The following FAM181A variants were observed in gnomAD, a reference collection of about 807,000 sequenced individuals.
FAM181A encodes the protein family with sequence similarity 181 member A.
Under a neutral mutation model 16.3 loss-of-function variants are expected in FAM181A, and 7 were observed. The ratio of observed to expected loss-of-function variants is 0.43; its 90% CI spans 0.24 to 0.81. FAM181A has a LOEUF of 0.81. Ranked by LOEUF, FAM181A falls within the 30% of genes least tolerant of loss-of-function variation. FAM181A has a pLI of 0.24. For missense variants in FAM181A, 349 were observed against 377.5 expected (o/e 0.92, Z 0.63); for synonymous variants, 183 against 164.9 (o/e 1.11, Z -0.84).
At chr14:93,925,431 G>A (rs1887867702), upstream of FAM181A, 3 of 1,503,346 alleles carry the variant, frequency 2.0e-6, no homozygotes, top group East Asian at 6.9e-5. Flanking sequence ...GTGCACACCA[G>A]CCTCACACAG....
Position 93,927,441 on chromosome 14 carries a change from G to A in FAM181A, c.-101G>A. On this transcript the variant is annotated 5_prime_UTR_variant, in exon 1 of 2. Transcript: ENST00000556222. ...CTGCCGGGCCACGTTGGTGGGGCCTGGGCCGCACCTTCGGTCAGTGTGGAG... is the reference window on the plus strand; with the variant it reads ...CTGCCGGGCCACGTTGGTGGGGCCTAGGCCGCACCTTCGGTCAGTGTGGAG... 1.3e-5 allele frequency: 16 copies of A among 1,222,564 alleles called. No homozygotes were observed. Among genetic ancestry groups the A allele is most frequent in the Admixed American group, 2.5e-5 (1 of 39,360 alleles). 75.7% of individuals were successfully genotyped at this position (1,222,564 alleles called of 1,614,324 possible). A position where few individuals can be genotyped will look rare whatever the true frequency, so the allele number is the denominator to read the frequency against.
intron 1 of FAM181A, 37 bp downstream of exon 1, chr14:93,927,491 G>T: frequency 7.9e-7 from 1 of 1,266,486 alleles, no homozygotes; most frequent in Non-Finnish European, 1.0e-6. Flanking sequence ...GCCCGACTGG[G>T]TGGCGGGTGT....
At chr14:93,925,370 G>A (rs531659608), upstream of FAM181A, 1 of 1,612,020 alleles carries the variant, frequency 6.2e-7, no homozygotes, top group Admixed American at 1.7e-5. Flanking sequence ...CAGCAAAGCA[G>A]GTGGTTACGT....
chr14:93,925,645 C>T (rs543961422), upstream of FAM181A, among the ~76,000 whole-genome samples: 9 of 151,806 alleles, frequency 5.9e-5, no homozygotes, highest in South Asian at 2.1e-4. Flanking sequence ...CAAAGGTTGC[C>T]GCAGGCAGGA....
chr14:93,919,636 T>A lies in FAM181A; in HGVS notation c.-225+642T>A, dbSNP rs1301822542. Among the ~76,000 whole-genome samples, 5 of 152,348 alleles carry A rather than the reference T, an allele frequency of 3.3e-5. No homozygotes were observed. The East Asian group carries it at 9.6e-4, about 29-fold the overall frequency. On this transcript the variant is annotated intron_variant, in intron 1 of 2. Coordinates refer to the FAM181A transcript ENST00000267594. ...TACATAGTAGGTGTCCACTAAATGC[T>A]TTAGAACCACTTGGTGAGCATTATT...
In FAM181A at chr14:93,928,290, C is replaced by T. The variant is rs1595289684; in HGVS notation, c.5C>T (p.Ala2Val). 6.2e-7 allele frequency: 1 copy of T among 1,613,794 alleles called. No homozygotes were observed. Among genetic ancestry groups the T allele is most frequent in the Non-Finnish European group, 8.5e-7 (1 of 1,180,024 alleles). The change falls in exon 2 of 2, where the codon GCA becomes GTA. Residue 2 changes from alanine to valine, a missense_variant. Physicochemically the swap from Ala to Val is moderately conservative, Grantham distance 64. Transcript: ENST00000556222. M[A>V]SDSDVKMLLN... ...TCGTGCAGTGGCCCCCTGGTGATGG[C>T]ATCCGACAGTGATGTGAAGATGCTG...
At chr14:93,924,440 G>A (rs1024221789), upstream of FAM181A, among the ~76,000 whole-genome samples, 2 of 152,230 alleles carry the variant, frequency 1.3e-5, no homozygotes, top group African/African-American at 4.8e-5. Context: ...AATAATGAGA[G>A]AACACTGGGA....
intron 1 of FAM181A, among the ~76,000 whole-genome samples, chr14:93,920,610 A>G (rs1887690333): frequency 6.6e-6 from 1 of 152,248 alleles, no homozygotes; most frequent in Non-Finnish European, 1.5e-5. Context: ...TGATGCAAAA[A>G]ATTCATCTGA....
upstream of FAM181A, chr14:93,927,058 A>C (rs573522961): frequency 1.5e-4 from 26 of 168,364 alleles, no homozygotes; most frequent in South Asian, 4.2e-3. Flanking sequence ...ACACACACAC[A>C]CACCCCACCC....
chr14:93,928,478 G>A lies in FAM181A; in HGVS notation c.193G>A (p.Glu65Lys). 1 of 1,610,636 alleles carries A rather than the reference G, an allele frequency of 6.2e-7. No homozygotes were observed. The highest frequency in any genetic ancestry group is 8.5e-7 in the Non-Finnish European group (1 of 1,177,518). ...LPRGLPGRAA[E>K]PYLKRGSEDR... Reference sequence around the variant, plus strand: ...GCGGGGCCTTCCTGGCAGAGCTGCTGAGCCCTACCTGAAAAGGGGGTCTGA... The same window carrying A: ...GCGGGGCCTTCCTGGCAGAGCTGCTAAGCCCTACCTGAAAAGGGGGTCTGA... The change falls in exon 2 of 2, where the codon GAG becomes AAG. Residue 65 changes from glutamate to lysine, a missense_variant. Physicochemically the swap from Glu to Lys is moderately conservative, Grantham distance 56. Coordinates refer to ENST00000556222, the MANE Select transcript of FAM181A (RefSeq NM_001207073.2).
At chr14:93,921,697 G>A (rs941732489) in intron 1 of FAM181A, among the ~76,000 whole-genome samples, 6 of 152,102 alleles carry the variant, frequency 3.9e-5, no homozygotes, top group African/African-American at 9.7e-5. Context: ...GTGGTCGGTC[G>A]GGCCTAACTC....
At chr14:93,925,917 G>C (rs1279900168), upstream of FAM181A, among the ~76,000 whole-genome samples, 2 of 152,106 alleles carry the variant, frequency 1.3e-5, no homozygotes, top group Non-Finnish European at 2.9e-5. Context: ...CTATTGGCCA[G>C]TGGGAAGGAG....
chr14:93,924,812 G>T (rs1351064247), upstream of FAM181A, among the ~76,000 whole-genome samples: 1 of 152,204 alleles, frequency 6.6e-6, no homozygotes, highest in South Asian at 2.1e-4. Flanking sequence ...TTCAAGCTCT[G>T]CTGGTTAACA....
At chr14:93,927,680 T>G in intron 1 of FAM181A, 2 of 1,040,904 alleles carry the variant, frequency 1.9e-6, no homozygotes, top group Non-Finnish European at 2.3e-6. Context: ...GCGTGAGAGC[T>G]GGGGGTGGAG....
chr14:93,926,000 A>G (rs985960922), upstream of FAM181A, among the ~76,000 whole-genome samples: 6 of 152,194 alleles, frequency 3.9e-5, no homozygotes, highest in African/African-American at 1.2e-4. Context: ...GGGAGACTCC[A>G]GGGAGGAGTC....
chr14:93,928,693 C>A lies in FAM181A; in HGVS notation c.408C>A (p.Pro136=). The A allele has an allele frequency of 6.2e-7, 1 of 1,613,964 alleles. No homozygotes were observed. Among genetic ancestry groups the A allele is most frequent in the Non-Finnish European group, 8.5e-7 (1 of 1,179,988 alleles). Residue 136 remains proline (P), a synonymous_variant, in exon 2 of 2, where the codon CCC becomes CCA. Coordinates refer to ENST00000556222, the MANE Select transcript of FAM181A (RefSeq NM_001207073.2). ...TGCCCATGAGGAAAAGACAGCTGCC[C>A]GCTTCCTTCTGGGAAGAGCCAAGGC... ...GQVPMRKRQL[P]ASFWEEPRPT...
chr14:93,928,748 G>C lies in FAM181A; in HGVS notation c.463G>C (p.Gly155Arg), dbSNP rs571368703. ...CCACAGCTACCATGTGGGGCTGGAG[G>C]GGGGACTGGGCCCCAGGGAGGGACC... ...PTHSYHVGLEGGLGPREGPPY... is the reference protein window; with the variant it reads ...PTHSYHVGLERGLGPREGPPY... Residue 155 changes from glycine (G) to arginine (R), a missense_variant, in exon 2 of 2, where the codon GGG becomes CGG. Gly to Arg is a moderately radical substitution (Grantham distance 125). Coordinates refer to ENST00000556222, the MANE Select transcript of FAM181A (RefSeq NM_001207073.2). 1.2e-5 allele frequency: 20 copies of C among 1,613,868 alleles called. No individual in the cohort carries two copies. The highest frequency in any genetic ancestry group is 8.0e-5 in the African/African-American group (6 of 74,934).
chr14:93,923,062 C>T (rs2141252205), upstream of FAM181A, among the ~76,000 whole-genome samples: 1 of 152,196 alleles, frequency 6.6e-6, no homozygotes, highest in South Asian at 2.1e-4. Flanking sequence ...GCAACATCTG[C>T]CTCCTGGGTT....
Position 93,927,464 on chromosome 14 carries a change from G to A in FAM181A, c.-88+10G>A. ...CTGGGCCGCACCTTCGGTCAGTGTG[G>A]AGGCCCGGTGGCTCTGGCCCGACTG... On this transcript the variant is annotated intron_variant, in intron 1 of 1. Transcript: ENST00000556222. 8.0e-7 allele frequency: 1 copy of A among 1,244,698 alleles called. No individual in the cohort carries two copies. The highest frequency in any genetic ancestry group is 1.0e-6 in the Non-Finnish European group (1 of 962,852). 77.1% of individuals were successfully genotyped at this position (1,244,698 alleles called of 1,614,324 possible).
Sources: gnomAD v4.1 joint callset for allele counts (sites outside exome capture counted in the v4.1 genomes callset) on GRCh38, gnomAD v4.1.1 for gene constraint, MANE v1.5 for transcripts, NCBI Gene and HGNC (gene_info 2026-07-23, HGNC 2026-07-21) for gene names.